MPHOSPH9: variants seen among roughly 807,000 people sequenced by gnomAD.
The protein encoded by MPHOSPH9 is M-phase phosphoprotein 9.
MPHOSPH9 carries 88 observed loss-of-function variants against 145.5 expected under a neutral mutation model. The observed-to-expected ratio is 0.60, with a 90% CI of 0.51 to 0.72. MPHOSPH9 has a LOEUF of 0.72. Among genes scored for constraint, MPHOSPH9 ranks in the 30% least tolerant of loss-of-function variants. MPHOSPH9 has a pLI of 0.00. For synonymous variants in MPHOSPH9, 435 were observed against 486.2 expected, an observed-to-expected ratio of 0.89 and a Z score of 1.39; for missense variants, 1,238 against 1,386.6, an observed-to-expected ratio of 0.89 and a Z score of 1.70.
upstream of MPHOSPH9, among the ~76,000 whole-genome samples, chr12:123,236,815 G>A (rs2047858116): frequency 2.0e-5 from 3 of 152,036 alleles, no homozygotes; most frequent in Non-Finnish European, 2.9e-5. Flanking sequence ...GGGGCCGGGC[G>A]CGGTGGCTCA....
At chr12:123,234,455 G>T (rs2047802210), upstream of MPHOSPH9, among the ~76,000 whole-genome samples, 1 of 152,172 alleles carries the variant, frequency 6.6e-6, no homozygotes, top group African/African-American at 2.4e-5. Flanking sequence ...GAGGGCAGTG[G>T]CGCGATCTCG....
intron 22 of MPHOSPH9, 53 bp from the exon 23 acceptor site, chr12:123,160,902 C>T (rs985061645): frequency 1.3e-6 from 2 of 1,567,136 alleles, no homozygotes; most frequent in Non-Finnish European, 8.7e-7. Flanking sequence ...AGGTTTATCA[C>T]ACAGAATGGA....
chr12:123,213,148 C>T (rs1220392015), intron 7 of MPHOSPH9, among the ~76,000 whole-genome samples: 4 of 151,808 alleles, frequency 2.6e-5, no homozygotes, highest in African/African-American at 9.7e-5. Flanking sequence ...CATGAGCCAC[C>T]GCGCCTGGCT....
intron 21 of MPHOSPH9, 37 bp downstream of exon 21, chr12:123,162,078 A>C (rs568175608): frequency 7.5e-5 from 99 of 1,314,924 alleles, no homozygotes; most frequent in Admixed American, 3.6e-4. Flanking sequence ...AAAATGAATG[A>C]TTAAAACCAT....
chr12:123,166,848 G>T, intron 16 of MPHOSPH9, 59 bp from the exon 17 acceptor site: 1 of 1,549,412 alleles, frequency 6.5e-7, no homozygotes, highest in Non-Finnish European at 8.7e-7. Context: ...CAGACTGCAT[G>T]TGCATATAAA....
intron 2 of MPHOSPH9, 39 bp from the exon 3 acceptor site, chr12:123,227,655 C>A: frequency 6.9e-7 from 1 of 1,454,988 alleles, no homozygotes; most frequent in Non-Finnish European, 9.1e-7. Flanking sequence ...TTTCTTCATT[C>A]TATCAAAGTG....
intron 8 of MPHOSPH9, among the ~76,000 whole-genome samples, chr12:123,207,348 AC>A (rs1249903791): frequency 6.7e-6 from 1 of 150,246 alleles, no homozygotes; most frequent in Non-Finnish European, 1.5e-5. Context: ...CTACAATCTT[AC>A]CCCCCTCATA....
intron 7 of MPHOSPH9, among the ~76,000 whole-genome samples, chr12:123,212,095 G>C (rs1341816222): frequency 3.9e-5 from 6 of 152,120 alleles, no homozygotes; most frequent in Admixed American, 3.3e-4. Flanking sequence ...CAGGAGGAGT[G>C]AGACATGAAA....
In MPHOSPH9 at chr12:123,194,532, T is replaced by C. The variant is rs1275669904; in HGVS notation, c.2095A>G (p.Met699Val). The stretch of plus-strand genomic sequence containing the variant: ...TCTTTTTCTTTACTGCTTGTTCTCA[T>C]TTCTTCAATTCGTTCCTGCAAAATT... ...SKILQERIEE[M>V]RTSSKEKDNT... Residue 699 changes from methionine to valine, a missense_variant, in exon 13 of 24, where the codon ATG becomes GTG. Physicochemically the swap from Met to Val is conservative, Grantham distance 21 (BLOSUM62 1). This residue lies in a region of MPHOSPH9 where 837 missense variants were observed against 897.5 expected (regional missense o/e 0.93). Transcript: ENST00000606320. 3.1e-6 allele frequency: 5 copies of C among 1,613,422 alleles called. No individual in the cohort carries two copies. Among genetic ancestry groups the C allele is most frequent in the East Asian group, 2.2e-5 (1 of 44,878 alleles).
At chr12:123,191,418 G>A (rs1224169221) in intron 13 of MPHOSPH9, among the ~76,000 whole-genome samples, 1 of 152,202 alleles carries the variant, frequency 6.6e-6, no homozygotes, top group African/African-American at 2.4e-5. Context: ...AGCACCCTGA[G>A]TAGCTTGGAC....
chr12:123,209,957 T>TG (rs1172080234), intron 8 of MPHOSPH9, 99 bp downstream of exon 8: 1 of 661,738 alleles, frequency 1.5e-6, no homozygotes. Flanking sequence ...AGGATGGTCT[T>TG]GATCTCCTGA....
At chr12:123,216,094 G>A (rs1041426051) in intron 6 of MPHOSPH9, among the ~76,000 whole-genome samples, 5 of 152,112 alleles carry the variant, frequency 3.3e-5, no homozygotes, top group Non-Finnish European at 4.4e-5. Flanking sequence ...AAAATTAGCC[G>A]GGCGTGGTGG....
At chr12:123,194,020 G>A (rs1253223092) in intron 13 of MPHOSPH9, among the ~76,000 whole-genome samples, 1 of 152,168 alleles carries the variant, frequency 6.6e-6, no homozygotes, top group Non-Finnish European at 1.5e-5. Context: ...TGTAATCCCA[G>A]GACTTTGGGA....
chr12:123,183,404 C>T (rs1476573013), intron 13 of MPHOSPH9, among the ~76,000 whole-genome samples: 2 of 151,318 alleles, frequency 1.3e-5, no homozygotes, highest in Non-Finnish European at 3.0e-5. Context: ...AAAAATTAGT[C>T]AGGTGTGGTG....
At chr12:123,238,615 G>GAAAAGA (rs1341573882) in intron 1 of MPHOSPH9, among the ~76,000 whole-genome samples, 1 of 151,950 alleles carries the variant, frequency 6.6e-6, no homozygotes, top group Admixed American at 6.6e-5. Flanking sequence ...TACTTTTTTA[G>GAAAAGA]AAAAGAAAAA....
At chr12:123,165,148 T>C (rs1461704927) in intron 18 of MPHOSPH9, among the ~76,000 whole-genome samples, 154 bp downstream of exon 18, 2 of 152,158 alleles carry the variant, frequency 1.3e-5, no homozygotes, top group African/African-American at 4.8e-5. Flanking sequence ...GACATTCAAT[T>C]CTCTATGAAA....
intron 3 of MPHOSPH9, among the ~76,000 whole-genome samples, chr12:123,223,424 A>C (rs2047300311): frequency 6.6e-6 from 1 of 152,194 alleles, no homozygotes; most frequent in Non-Finnish European, 1.5e-5. Flanking sequence ...GCCTTTCAGC[A>C]TCTTTCCACT....
At chr12:123,195,793 C>T (rs567252462) in intron 12 of MPHOSPH9, among the ~76,000 whole-genome samples, 1 of 152,024 alleles carries the variant, frequency 6.6e-6, no homozygotes, top group Admixed American at 6.6e-5. Context: ...TGGCTCACAG[C>T]GGAAATCCCA....
chr12:123,154,033 T>A (rs1627724), downstream of MPHOSPH9, among the ~76,000 whole-genome samples: 96,587 of 151,972 alleles, frequency 0.64, 35,243 homozygotes, highest in East Asian at 0.97. Flanking sequence ...TTTAGCTACA[T>A]CTGTTGCTTC....
Sources: gnomAD v4.1 joint callset for allele counts (sites outside exome capture counted in the v4.1 genomes callset) on GRCh38, gnomAD v4.1.1 for gene constraint, gnomAD v4.1.1 regional missense constraint, MANE v1.5 for transcripts, NCBI Gene and HGNC (gene_info 2026-07-23, HGNC 2026-07-21) for gene names.